MMP16: variants seen among roughly 807,000 people sequenced by gnomAD.
The protein encoded by MMP16 is matrix metallopeptidase 16.
MMP16 carries 12 observed loss-of-function variants against 67.8 expected under a neutral mutation model. The observed-to-expected ratio is 0.18, with a 90% CI of 0.11 to 0.29. The LOEUF (loss-of-function observed/expected upper bound fraction) is 0.29. Among genes scored for constraint, MMP16 ranks in the 10% least tolerant of loss-of-function variants. The pLI, the probability that MMP16 is intolerant of heterozygous loss-of-function variation, is 1.00. For missense variants in MMP16, 475 were observed against 765.7 expected, an observed-to-expected ratio of 0.62 and a Z score of 4.48; for synonymous variants, 249 against 255.9, an observed-to-expected ratio of 0.97 and a Z score of 0.26.
chr8:88,141,414 G>A (rs527582276), intron 4 of MMP16, among the ~76,000 whole-genome samples: 8 of 152,212 alleles, frequency 5.3e-5, no homozygotes, highest in African/African-American at 1.9e-4. Context: ...AAAAAATCAG[G>A]TATTTAGCTG....
At chr8:88,149,063 C>T (rs955001199) in intron 4 of MMP16, among the ~76,000 whole-genome samples, 1 of 152,198 alleles carries the variant, frequency 6.6e-6, no homozygotes, top group African/African-American at 2.4e-5. Context: ...CGCAAGGGGT[C>T]AGGGAGTTCC....
intron 1 of MMP16, among the ~76,000 whole-genome samples, chr8:88,204,932 G>C (rs188887152): frequency 2.0e-5 from 3 of 152,172 alleles, no homozygotes; most frequent in Admixed American, 6.5e-5. Flanking sequence ...CAATTTCTTA[G>C]AATGCCTTCC....
intron 4 of MMP16, among the ~76,000 whole-genome samples, chr8:88,157,631 T>C (rs1191102794): frequency 6.6e-6 from 1 of 151,932 alleles, no homozygotes; most frequent in African/African-American, 2.4e-5. Context: ...AAATCAGTTG[T>C]GTTAAGCCAT....
intron 1 of MMP16, among the ~76,000 whole-genome samples, chr8:88,263,259 A>T (rs916698828): frequency 2.6e-5 from 4 of 152,014 alleles, no homozygotes; most frequent in African/African-American, 9.7e-5. Context: ...AAAAAATTCA[A>T]TTTTTTCTTC....
chr8:88,045,840 GTTA>G (rs2118197438), intron 9 of MMP16, among the ~76,000 whole-genome samples: 1 of 152,188 alleles, frequency 6.6e-6, no homozygotes, highest in East Asian at 1.9e-4. Context: ...GACTTTTCAT[GTTA>G]TTGAGGACTA....
At chr8:88,273,468 G>A (rs751133456) in intron 1 of MMP16, among the ~76,000 whole-genome samples, 1 of 151,976 alleles carries the variant, frequency 6.6e-6, no homozygotes, top group African/African-American at 2.4e-5. Flanking sequence ...TTTCACTCTG[G>A]TTAATCTTGC....
intron 7 of MMP16, among the ~76,000 whole-genome samples, chr8:88,064,713 T>C (rs1473240617): frequency 6.6e-6 from 1 of 152,148 alleles, no homozygotes; most frequent in African/African-American, 2.4e-5. Flanking sequence ...CACTAATCTC[T>C]ATTTGGGCTC....
intron 1 of MMP16, among the ~76,000 whole-genome samples, chr8:88,232,387 T>A (rs1370195467): frequency 6.6e-6 from 1 of 152,082 alleles, no homozygotes; most frequent in Non-Finnish European, 1.5e-5. Flanking sequence ...AACCGGCAAA[T>A]AGTTTGCAAG....
intron 1 of MMP16, among the ~76,000 whole-genome samples, chr8:88,209,799 T>C (rs1256700595): frequency 6.6e-6 from 1 of 152,190 alleles, no homozygotes; most frequent in Non-Finnish European, 1.5e-5. Flanking sequence ...AATGTAGCAT[T>C]TTTAAGACCA....
At position 88,100,204 on chromosome 8, in the gene MMP16, G is replaced by A. The variant is rs571898089; in HGVS notation, c.1083+16303C>T. 1.1e-4 allele frequency among the ~76,000 whole-genome samples: 16 copies of A among 151,940 alleles called. No homozygotes were observed. In the South Asian group the frequency reaches 3.3e-3, roughly 32 times the overall value. On this transcript the variant is annotated intron_variant, in intron 6 of 9. Transcript: ENST00000286614. ...ATGGTATTGCCTAGGTTTTCTTCTA[G>A]GGTTTATATAGCTTTAGGTCTAACA...
intron 1 of MMP16, among the ~76,000 whole-genome samples, chr8:88,280,185 T>C (rs536547944): frequency 6.6e-6 from 1 of 152,346 alleles, no homozygotes; most frequent in East Asian, 1.9e-4. Flanking sequence ...CTGCTTTGTA[T>C]TTTCTTTTTA....
intron 1 of MMP16, among the ~76,000 whole-genome samples, chr8:88,212,829 C>T (rs146232358): frequency 6.8e-4 from 104 of 152,230 alleles, no homozygotes; most frequent in African/African-American, 2.0e-3. Flanking sequence ...TGAAAACACA[C>T]GTGCATACAC....
intron 4 of MMP16, among the ~76,000 whole-genome samples, chr8:88,122,903 C>T (rs1158451691): frequency 6.6e-6 from 1 of 151,464 alleles, no homozygotes; most frequent in African/African-American, 2.4e-5. Flanking sequence ...CTCTCTCTCC[C>T]CTCCTCCCCC....
chr8:88,076,433 T>C (rs748849307), intron 6 of MMP16, among the ~76,000 whole-genome samples: 1 of 152,164 alleles, frequency 6.6e-6, no homozygotes, highest in Non-Finnish European at 1.5e-5. Flanking sequence ...CCTCTTTGGA[T>C]GTCAGCTATA....
rs78680855 is a variant in MMP16, at chr8:88,194,334, G to T, written c.281+2824C>A. Among the ~76,000 whole-genome samples, 1,402 of 151,890 alleles carry T rather than the reference G, an allele frequency of 9.2e-3. 21 individuals carry two copies. The highest frequency in any genetic ancestry group is 0.032 in the African/African-American group (1,342 of 41,424). ...GTTAAGACATTATATTAATACTGAG[G>T]AATAATTTGGATCTATAACTATAGT... On this transcript the variant is annotated intron_variant, in intron 2 of 9. Coordinates refer to ENST00000286614, the MANE Select transcript of MMP16 (RefSeq NM_005941.5).
intron 1 of MMP16, among the ~76,000 whole-genome samples, chr8:88,209,856 A>T (rs1464986270): frequency 6.6e-6 from 1 of 152,156 alleles, no homozygotes; most frequent in Non-Finnish European, 1.5e-5. Context: ...TTATCCATTC[A>T]TCTCTCAAAG....
At chr8:88,133,006 C>T (rs1161617389) in intron 4 of MMP16, among the ~76,000 whole-genome samples, 3 of 151,892 alleles carry the variant, frequency 2.0e-5, no homozygotes, top group Non-Finnish European at 4.4e-5. Flanking sequence ...CTGCTAATCA[C>T]TGGTAAAGCC....
rs371122457 is a variant in MMP16 at position 88,132,206 on chromosome 8, T to C, written c.710-13345A>G. On this transcript the variant is annotated intron_variant, in intron 4 of 9. Transcript: ENST00000286614. ...GTAAAAAAAATAAAGATTGTGTATA[T>C]ACGTAAGAATAAATTTCAATACTTG... 3.7e-3 allele frequency among the ~76,000 whole-genome samples: 569 copies of C among 151,942 alleles called. 4 individuals carry two copies. Among genetic ancestry groups the C allele is most frequent in the Middle Eastern group, 0.034 (10 of 294 alleles).
chr8:88,073,863 A>G (rs1399458552), intron 7 of MMP16, among the ~76,000 whole-genome samples: 1 of 152,010 alleles, frequency 6.6e-6, no homozygotes, highest in East Asian at 1.9e-4. Flanking sequence ...AAAGTTTTAC[A>G]CTCTAGTTCT....
Sources: allele counts gnomAD v4.1 joint callset (sites outside exome capture counted in the v4.1 genomes callset), GRCh38; gene constraint gnomAD v4.1.1; transcripts MANE v1.5; gene names NCBI Gene and HGNC (gene_info 2026-07-23, HGNC 2026-07-21).